MCTP1: variants seen among roughly 807,000 people sequenced by gnomAD.
MCTP1 encodes multiple C2 and transmembrane domain-containing protein 1.
MCTP1 carries 69 observed loss-of-function variants against 120.6 expected under a neutral mutation model. The observed-to-expected ratio is 0.57, with a 90% CI of 0.47 to 0.70. MCTP1 has a LOEUF of 0.70. Among genes scored for constraint, MCTP1 ranks in the 30% least tolerant of loss-of-function variants. MCTP1 has a pLI of 0.00. For missense variants in MCTP1, 1,203 were observed against 1,248.8 expected (o/e 0.96, Z 0.55); for synonymous variants, 529 against 493.1 (o/e 1.07, Z -0.96).
chr5:94,840,670 T>G (rs1009879389), intron 17 of MCTP1, among the ~76,000 whole-genome samples: 13 of 152,230 alleles, frequency 8.5e-5, no homozygotes, highest in Non-Finnish European at 1.9e-4. Flanking sequence ...CTATGTGTTA[T>G]TGGGCAAGTG....
intron 14 of MCTP1, 64 bp downstream of exon 14, chr5:94,871,251 T>C: frequency 9.5e-7 from 1 of 1,055,966 alleles, no homozygotes; most frequent in Non-Finnish European, 1.5e-6. Context: ...AGTTTTCTTT[T>C]CTTTTTTTTT....
At chr5:94,885,187 C>T (rs1231888901) in intron 12 of MCTP1, among the ~76,000 whole-genome samples, 1 of 151,602 alleles carries the variant, frequency 6.6e-6, no homozygotes. Context: ...CCTTTCAGTA[C>T]AGTGAAAAGG....
chr5:94,765,778 C>A (rs183316229), intron 19 of MCTP1, among the ~76,000 whole-genome samples: 2 of 147,344 alleles, frequency 1.4e-5, no homozygotes, highest in African/African-American at 5.0e-5. Flanking sequence ...AAATAAAACA[C>A]TGGTTTTTTT....
chr5:94,993,026 C>T (rs73774875), intron 2 of MCTP1, among the ~76,000 whole-genome samples: 2,545 of 152,292 alleles, frequency 0.017, 85 homozygotes, highest in African/African-American at 0.059. Context: ...TTATAACTTA[C>T]ACTCACAGAA....
At chr5:94,788,145 C>A (rs1335325321) in intron 18 of MCTP1, among the ~76,000 whole-genome samples, 1 of 152,138 alleles carries the variant, frequency 6.6e-6, no homozygotes, top group Non-Finnish European at 1.5e-5. Flanking sequence ...CTTGTTTAAG[C>A]AACGCTACCA....
At chr5:94,785,811 A>G (rs1777553850) in intron 18 of MCTP1, among the ~76,000 whole-genome samples, 1 of 152,144 alleles carries the variant, frequency 6.6e-6, no homozygotes, top group Admixed American at 6.5e-5. Flanking sequence ...AAAGCAAGAA[A>G]AGGGAGCTGC....
intron 10 of MCTP1, among the ~76,000 whole-genome samples, chr5:94,897,017 T>C (rs1028874871): frequency 4.6e-5 from 7 of 152,278 alleles, no homozygotes; most frequent in Middle Eastern, 3.4e-3. Flanking sequence ...GAAGCACTGT[T>C]AGCAGTGCTT....
At chr5:94,933,254 T>C (rs1332526508) in intron 5 of MCTP1, among the ~76,000 whole-genome samples, 6 of 151,862 alleles carry the variant, frequency 4.0e-5, no homozygotes, top group Non-Finnish European at 5.9e-5. Context: ...AAATACTTTA[T>C]GTTTTCAAAG....
chr5:95,256,494 C>G (rs187790062), intron 1 of MCTP1, among the ~76,000 whole-genome samples: 3 of 152,254 alleles, frequency 2.0e-5, no homozygotes, highest in Admixed American at 1.3e-4. Flanking sequence ...TTGGGTGACC[C>G]TGACAGCTGG....
chr5:95,148,952 C>A (rs755527616), intron 1 of MCTP1, among the ~76,000 whole-genome samples: 4 of 152,122 alleles, frequency 2.6e-5, no homozygotes, highest in Non-Finnish European at 4.4e-5. Context: ...TGTATACTGG[C>A]AAAATATTTT....
At chr5:94,791,456 C>T (rs1345474830) in intron 18 of MCTP1, among the ~76,000 whole-genome samples, 1 of 151,792 alleles carries the variant, frequency 6.6e-6, no homozygotes, top group Non-Finnish European at 1.5e-5. Context: ...GATGGCACCA[C>T]TGCACTCCAG....
intron 1 of MCTP1, among the ~76,000 whole-genome samples, chr5:95,202,554 AAG>A (rs1751184204): frequency 6.6e-6 from 1 of 152,204 alleles, no homozygotes; most frequent in African/African-American, 2.4e-5. Flanking sequence ...ATTTCTTTGT[AAG>A]TAAACAATTT....
chr5:95,237,902 G>T (rs1414097137), intron 1 of MCTP1, among the ~76,000 whole-genome samples: 3 of 152,052 alleles, frequency 2.0e-5, no homozygotes, highest in African/African-American at 7.2e-5. Flanking sequence ...TTTTGACTCT[G>T]CTAAGACAGA....
chr5:94,877,421 G>A lies in MCTP1; in HGVS notation c.1934-4180C>T, dbSNP rs936909169. Reference sequence around the variant, plus strand: ...CTTTGTTTTTTTTTAAATCTCCCATGAGAATTAACACTTGAGAGACTCTTT... The same window carrying A: ...CTTTGTTTTTTTTTAAATCTCCCATAAGAATTAACACTTGAGAGACTCTTT... On this transcript the variant is annotated intron_variant, in intron 12 of 22. Transcript: ENST00000515393. Among the ~76,000 whole-genome samples the A allele has an allele frequency of 4.4e-4, 66 of 151,682 alleles. 1 individual carries two copies. The highest frequency in any genetic ancestry group is 1.5e-3 in the African/African-American group (64 of 41,300).
intron 19 of MCTP1, among the ~76,000 whole-genome samples, chr5:94,762,094 T>A (rs1206797170): frequency 6.6e-6 from 1 of 152,198 alleles, no homozygotes; most frequent in Non-Finnish European, 1.5e-5. Context: ...ACACAATGAA[T>A]AATGACAGAG....
At chr5:94,754,218 C>T (rs763052557) in intron 19 of MCTP1, among the ~76,000 whole-genome samples, 2 of 152,084 alleles carry the variant, frequency 1.3e-5, no homozygotes, top group African/African-American at 2.4e-5. Flanking sequence ...CAGGTAAATA[C>T]AAATTTAAGT....
At chr5:95,257,796 T>TACACACACACACACACACACACACACAC (rs369408591) in intron 1 of MCTP1, among the ~76,000 whole-genome samples, 11 of 125,416 alleles carry the variant, frequency 8.8e-5, no homozygotes, top group African/African-American at 3.2e-4. Context: ...CCAGAAAACA[T>TACACACACACACACACACACACACACAC]ACACACACAC....
intron 2 of MCTP1, among the ~76,000 whole-genome samples, chr5:94,978,194 C>T (rs990134006): frequency 6.6e-6 from 1 of 151,998 alleles, no homozygotes; most frequent in African/African-American, 2.4e-5. Context: ...GGTAGGAAAA[C>T]TATCAACACG....
chr5:94,728,783 G>C (rs1762590138), intron 19 of MCTP1, among the ~76,000 whole-genome samples: 1 of 151,982 alleles, frequency 6.6e-6, no homozygotes, highest in African/African-American at 2.4e-5. Flanking sequence ...CCCCGCACTG[G>C]CTAGAGTTTG....
Sources: gnomAD v4.1 joint callset for allele counts (sites outside exome capture counted in the v4.1 genomes callset) on GRCh38, gnomAD v4.1.1 for gene constraint, MANE v1.5 for transcripts, NCBI Gene and HGNC (gene_info 2026-07-23, HGNC 2026-07-21) for gene names.